The following CCDC170 variants were observed in gnomAD, a reference collection of about 807,000 sequenced individuals.
CCDC170 encodes coiled-coil domain containing 170.
A neutral mutation model predicts 72.6 loss-of-function variants in CCDC170; 69 were observed. The ratio of observed to expected loss-of-function variants is 0.95; its 90% CI spans 0.78 to 1.16. The LOEUF is 1.16. Among genes scored for constraint, CCDC170 ranks in the 50% most tolerant of loss-of-function variants. CCDC170 has a pLI of 0.00. For missense variants in CCDC170, 852 were observed against 832.5 expected, an observed-to-expected ratio of 1.02 and a Z score of -0.29; for synonymous variants, 300 against 303.9, an observed-to-expected ratio of 0.99 and a Z score of 0.13.
At chr6:151,587,796 T>C (rs967588344) in intron 7 of CCDC170, among the ~76,000 whole-genome samples, 1 of 152,160 alleles carries the variant, frequency 6.6e-6, no homozygotes. Flanking sequence ...ATTAGTGCCA[T>C]GATGGAGACA....
Position 151,620,495 on chromosome 6 carries a change from C to T in CCDC170, c.*2348C>T, listed in dbSNP as rs1226003602. ...GGCCTGCAGTTTTCCCCACCAACCC[C>T]TTTTCACATGCTCCAAAGATGTAGT... is the stretch of plus-strand genomic sequence containing the variant. On this transcript the variant is annotated 3_prime_UTR_variant, in exon 11 of 11. Coordinates refer to ENST00000239374, the MANE Select transcript of CCDC170 (RefSeq NM_025059.4). 2 of 152,452 alleles carry T rather than the reference C, an allele frequency of 1.3e-5. No individual in the cohort carries two copies. Among genetic ancestry groups the T allele is most frequent in the East Asian group, 1.9e-4 (1 of 5,184 alleles). The allele number at this position is 152,452 out of a possible 1,614,324, so 9.4% of individuals were successfully genotyped here.
intron 1 of CCDC170, among the ~76,000 whole-genome samples, chr6:151,512,478 A>T (rs1412734366): frequency 1.3e-5 from 2 of 152,064 alleles, no homozygotes; most frequent in Non-Finnish European, 2.9e-5. Flanking sequence ...ATATCATTTT[A>T]AAATAAACAC....
intron 6 of CCDC170, among the ~76,000 whole-genome samples, chr6:151,579,600 G>A (rs1253475150): frequency 6.6e-6 from 1 of 152,182 alleles, no homozygotes; most frequent in Non-Finnish European, 1.5e-5. Context: ...TCCAGATGGG[G>A]TGAAGATGCA....
intron 9 of CCDC170, among the ~76,000 whole-genome samples, chr6:151,603,018 C>T (rs1464355800): frequency 2.6e-5 from 4 of 152,040 alleles, no homozygotes; most frequent in East Asian, 1.9e-4. Context: ...CCAGGCTGGT[C>T]GTGAACTCCT....
chr6:151,583,589 C>T (rs1254803469), intron 6 of CCDC170, among the ~76,000 whole-genome samples: 1 of 152,126 alleles, frequency 6.6e-6, no homozygotes. Context: ...TTCCAAGTAG[C>T]TGGGACTACA....
At chr6:151,496,119 G>A (rs183417857) in intron 1 of CCDC170, among the ~76,000 whole-genome samples, 27 of 152,088 alleles carry the variant, frequency 1.8e-4, no homozygotes, top group Admixed American at 1.5e-3. Flanking sequence ...GCAGAGTCCA[G>A]GTCATTCGTT....
chr6:151,520,403 C>A (rs1230626849), intron 1 of CCDC170, among the ~76,000 whole-genome samples: 1 of 152,236 alleles, frequency 6.6e-6, no homozygotes, highest in Non-Finnish European at 1.5e-5. Context: ...TGAAAGAGAT[C>A]TAATCTAACT....
intron 1 of CCDC170, among the ~76,000 whole-genome samples, chr6:151,514,362 AG>A (rs1782201209): frequency 5.9e-5 from 1 of 16,816 alleles, no homozygotes; most frequent in Non-Finnish European, 1.0e-4. Context: ...GGAGGGAGGG[AG>A]GGAGGGAGGG....
At position 151,519,365 on chromosome 6, in the gene CCDC170, G is replaced by C. The variant is rs193218543; in HGVS notation, c.58-16953G>C. Reference sequence around the variant, plus strand: ...ATATGGCTCTATTCTGCCCGACCCCGCAGGCAGTCAGACCCTATGGTTGTC... The same window carrying C: ...ATATGGCTCTATTCTGCCCGACCCCCCAGGCAGTCAGACCCTATGGTTGTC... On this transcript the variant is annotated intron_variant, in intron 1 of 10. Transcript: ENST00000239374. 4.5e-4 allele frequency among the ~76,000 whole-genome samples: 69 copies of C among 152,244 alleles called. No homozygotes were observed. The East Asian group carries it at 0.01, about 23-fold the overall frequency.
At chr6:151,508,019 G>A (rs1782089555) in intron 1 of CCDC170, among the ~76,000 whole-genome samples, 2 of 152,208 alleles carry the variant, frequency 1.3e-5, no homozygotes, top group South Asian at 2.1e-4. Flanking sequence ...TCTTAAAGTT[G>A]TTTGCTCCTC....
At chr6:151,526,518 C>A (rs1479850622) in intron 1 of CCDC170, among the ~76,000 whole-genome samples, 1 of 127,626 alleles carries the variant, frequency 7.8e-6, no homozygotes, top group Non-Finnish European at 1.6e-5. Context: ...CCCCGCCTGG[C>A]CTTTTTTTTT....
At chr6:151,599,936 G>A (rs942599615) in intron 9 of CCDC170, among the ~76,000 whole-genome samples, 26 of 152,154 alleles carry the variant, frequency 1.7e-4, no homozygotes, top group Non-Finnish European at 1.9e-4. Context: ...TATTTACTTG[G>A]TTGCCTTATT....
Position 151,619,068 on chromosome 6 carries a change from A to G in CCDC170, c.*921A>G, listed in dbSNP as rs1039888776. 1 of 151,488 alleles carries G rather than the reference A, an allele frequency of 6.6e-6. No homozygotes were observed. The highest frequency in any genetic ancestry group is 2.4e-5 in the African/African-American group (1 of 41,264). The allele number at this position is 151,488 out of a possible 1,614,324, so 9.4% of individuals were successfully genotyped here. ...AATGACAGATTTACAAGTGTAAGCT[A>G]TATGATTTCTTCAAAAAGCAAAAGC... On this transcript the variant is annotated 3_prime_UTR_variant, in exon 11 of 11. Transcript: ENST00000239374.
intron 1 of CCDC170, among the ~76,000 whole-genome samples, chr6:151,507,367 A>T (rs985779924): frequency 1.3e-5 from 2 of 152,182 alleles, no homozygotes; most frequent in Non-Finnish European, 1.5e-5. Context: ...TCCCCAACTT[A>T]TGATGGTTCA....
intron 1 of CCDC170, among the ~76,000 whole-genome samples, chr6:151,536,045 C>T (rs552803493): frequency 6.6e-6 from 1 of 152,318 alleles, no homozygotes; most frequent in East Asian, 1.9e-4. Flanking sequence ...TAGATGTGAG[C>T]CAACACACTC....
At chr6:151,564,974 C>A (rs766881846) in intron 5 of CCDC170, among the ~76,000 whole-genome samples, 2 of 152,122 alleles carry the variant, frequency 1.3e-5, no homozygotes, top group Non-Finnish European at 2.9e-5. Flanking sequence ...CTTTTAGTGG[C>A]TGCAGCTGTA....
At chr6:151,577,620 G>GA (rs1776320573) in intron 6 of CCDC170, among the ~76,000 whole-genome samples, 1 of 39,018 alleles carries the variant, frequency 2.6e-5, no homozygotes, top group Non-Finnish European at 4.4e-5. Context: ...GGCTCTGTGG[G>GA]AGCTGTGGGG....
chr6:151,499,326 C>T (rs1781956831), intron 1 of CCDC170, among the ~76,000 whole-genome samples: 2 of 130,238 alleles, frequency 1.5e-5, no homozygotes. Flanking sequence ...TCTAGGCACA[C>T]TGTATAAGTG....
chr6:151,599,653 CAG>C lies in CCDC170; in HGVS notation c.1710+3086_1710+3087del, dbSNP rs573096436. 2.3e-4 allele frequency among the ~76,000 whole-genome samples: 35 copies of C among 152,098 alleles called. No individual in the cohort carries two copies. The South Asian group carries it at 6.5e-3, about 28-fold the overall frequency. On this transcript the variant is annotated intron_variant, in intron 9 of 10. Transcript: ENST00000239374. Reference sequence around the variant, plus strand: ...TGTCAGGAACGAGACTGAGAAGAAACAGAGAGAGAGATAGAGAGAGAGCAGAA... The same window carrying C: ...TGTCAGGAACGAGACTGAGAAGAAACAGAGAGAGATAGAGAGAGAGCAGAA...
Sources: gnomAD v4.1 joint callset for allele counts (sites outside exome capture counted in the v4.1 genomes callset) on GRCh38, gnomAD v4.1.1 for gene constraint, MANE v1.5 for transcripts, NCBI Gene and HGNC (gene_info 2026-07-23, HGNC 2026-07-21) for gene names.